Variants in ZNF521 observed in about 807,000 individuals in gnomAD.
ZNF521 encodes the protein zinc finger protein 521.
ZNF521 carries 14 observed loss-of-function variants against 105.5 expected under a neutral mutation model. The ratio of observed to expected loss-of-function variants is 0.13; its 90% CI spans 0.09 to 0.21. The LOEUF (loss-of-function observed/expected upper bound fraction) is 0.21, where lower values mean the gene tolerates loss of function less well. Among genes scored for constraint, ZNF521 ranks in the 10% least tolerant of loss-of-function variants. ZNF521 has a pLI of 1.00. For missense variants in ZNF521, 1,233 were observed against 1,629.7 expected, an observed-to-expected ratio of 0.76 and a Z score of 4.19; for synonymous variants, 635 against 606.0, an observed-to-expected ratio of 1.05 and a Z score of -0.70.
chr18:25,142,165 T>G (rs374742008), intron 5 of ZNF521, among the ~76,000 whole-genome samples: 3 of 152,050 alleles, frequency 2.0e-5, no homozygotes, highest in African/African-American at 7.2e-5. Context: ...AGTAGAGTAG[T>G]CACAGAAGCA....
chr18:25,259,569 G>C lies in ZNF521; in HGVS notation c.221-31872C>G, dbSNP rs556687861. 5.9e-4 allele frequency among the ~76,000 whole-genome samples: 90 copies of C among 152,102 alleles called. 1 individual carries two copies. Among genetic ancestry groups the C allele is most frequent in the Non-Finnish European group, 1.1e-3 (72 of 68,026 alleles). ...AGAAGAGAGCTGAAGGGAGTAGAGA[G>C]GAAAACAAAAACAGCAACAGGAGGG... is the stretch of plus-strand genomic sequence containing the variant. On this transcript the variant is annotated intron_variant, in intron 3 of 7. Transcript: ENST00000361524.
chr18:25,246,464 T>C (rs1290786800), intron 3 of ZNF521, among the ~76,000 whole-genome samples: 1 of 152,184 alleles, frequency 6.6e-6, no homozygotes, highest in African/African-American at 2.4e-5. Flanking sequence ...TTTTGTTTGA[T>C]CCTATTTTCC....
chr18:25,102,815 C>T (rs1412518956), intron 5 of ZNF521, among the ~76,000 whole-genome samples: 1 of 152,154 alleles, frequency 6.6e-6, no homozygotes, highest in East Asian at 1.9e-4. Flanking sequence ...GTTATTTCCT[C>T]CCTTAGTACA....
intron 3 of ZNF521, among the ~76,000 whole-genome samples, chr18:25,321,456 T>C (rs970175442): frequency 1.3e-5 from 2 of 152,180 alleles, no homozygotes; most frequent in African/African-American, 4.8e-5. Flanking sequence ...GCTTAGATAA[T>C]GCGAGAATGA....
chr18:25,225,623 A>G lies in ZNF521; in HGVS notation c.2295T>C (p.Thr765=). 6.2e-7 allele frequency: 1 copy of G among 1,614,156 alleles called. No individual in the cohort carries two copies. ...TGTGTTTCACATGGAGCTGCAAGTC[A>G]GTTTCGTTGCGGAAGTCCCAGTTGC... ...TSCNWDFRNE[T]DLQLHVKHNH... is the part of the protein sequence containing the mutation. Residue 765 remains threonine, a synonymous_variant, in exon 4 of 8, where the codon ACT becomes ACC. Coordinates refer to ENST00000361524, the MANE Select transcript of ZNF521 (RefSeq NM_015461.3). The surrounding 1 kb of genome is among the most constrained non-coding windows in gnomAD (Gnocchi z 5.6).
At chr18:25,296,073 A>G (rs1309212152) in intron 3 of ZNF521, among the ~76,000 whole-genome samples, 1 of 152,208 alleles carries the variant, frequency 6.6e-6, no homozygotes, top group Non-Finnish European at 1.5e-5. Context: ...AAATAGCTGA[A>G]GGTATGCCCT....
At chr18:25,351,945 G>GAGA in intron 1 of ZNF521, 60 bp downstream of exon 1, 1 of 315,142 alleles carries the variant, frequency 3.2e-6, no homozygotes, top group East Asian at 1.3e-4. Context: ...GGAGGAGGAG[G>GAGA]AGAGCCGGGA....
At position 25,337,432 on chromosome 18, in the gene ZNF521, T is replaced by C. The variant is rs77090534; in HGVS notation, c.40+13475A>G. Among the ~76,000 whole-genome samples, 6 of 152,266 alleles carry C rather than the reference T, an allele frequency of 3.9e-5. 1 individual carries two copies. The highest frequency in any genetic ancestry group is 1.2e-4 in the African/African-American group (5 of 41,540). On this transcript the variant is annotated intron_variant, in intron 2 of 7. Coordinates refer to ENST00000361524, the MANE Select transcript of ZNF521 (RefSeq NM_015461.3). ...CAAAGAGCTAATTTTCTTAATAATA[T>C]GAGCTGCTCTTTCAAACCAGAAGAT...
intron 5 of ZNF521, among the ~76,000 whole-genome samples, chr18:25,152,491 G>C (rs944198769): frequency 7.2e-6 from 1 of 138,306 alleles, no homozygotes; most frequent in Non-Finnish European, 1.6e-5. Context: ...AAAAAAAAAA[G>C]AAAAAAAAAA....
intron 4 of ZNF521, among the ~76,000 whole-genome samples, chr18:25,204,300 T>C (rs2036042416): frequency 6.6e-6 from 1 of 152,214 alleles, no homozygotes; most frequent in South Asian, 2.1e-4. Context: ...TTGAGCCATT[T>C]TTAAAATGTT....
intron 5 of ZNF521, among the ~76,000 whole-genome samples, chr18:25,170,206 C>A (rs2035422558): frequency 6.6e-6 from 1 of 151,884 alleles, no homozygotes; most frequent in Non-Finnish European, 1.5e-5. Flanking sequence ...CAAAACCAAC[C>A]TTCTGGTTCC....
At position 25,195,153 on chromosome 18, in the gene ZNF521, C is replaced by A; in HGVS notation, c.3658+7G>T. On this transcript the variant is annotated splice_region_variant and intron_variant, in intron 5 of 7. Transcript: ENST00000361524. ...CTATCTGTAATAAGGTTTAGAGTGT[C>A]ACTCACCAATCATGTGATTTGCAAC... The A allele has an allele frequency of 6.3e-7, 1 of 1,595,722 alleles. No homozygotes were observed. The highest frequency in any genetic ancestry group is 1.1e-5 in the South Asian group (1 of 89,504).
chr18:25,284,402 C>T (rs2145000935), intron 3 of ZNF521, among the ~76,000 whole-genome samples: 1 of 152,200 alleles, frequency 6.6e-6, no homozygotes, highest in East Asian at 1.9e-4. Context: ...CAGATCTACT[C>T]CAAATTGTCA....
At chr18:25,199,753 C>T (rs918188777) in intron 4 of ZNF521, among the ~76,000 whole-genome samples, 12 of 152,048 alleles carry the variant, frequency 7.9e-5, no homozygotes, top group Admixed American at 2.0e-4. Context: ...TTAACCCCAT[C>T]TCCACTATTC....
At chr18:25,118,706 AG>A (rs1188234863) in intron 5 of ZNF521, among the ~76,000 whole-genome samples, 1 of 152,106 alleles carries the variant, frequency 6.6e-6, no homozygotes, top group East Asian at 1.9e-4. Context: ...AAAGTCCAAA[AG>A]GGGGAAGAAA....
chr18:25,074,758 A>T (rs2033318965), intron 7 of ZNF521, among the ~76,000 whole-genome samples: 1 of 151,836 alleles, frequency 6.6e-6, no homozygotes, highest in Admixed American at 6.6e-5. Context: ...TGAAGTTCCC[A>T]TTCTCCTCTC....
At chr18:25,216,151 C>T (rs1815645410) in intron 4 of ZNF521, among the ~76,000 whole-genome samples, 1 of 152,034 alleles carries the variant, frequency 6.6e-6, no homozygotes. Flanking sequence ...TTTTCAGCCT[C>T]ATAGGGAAAT....
chr18:25,120,866 T>C (rs1015740237), intron 5 of ZNF521, among the ~76,000 whole-genome samples: 1 of 152,100 alleles, frequency 6.6e-6, no homozygotes. Context: ...TTACAGTCAC[T>C]TTCACCTTCA....
rs370729128 is a variant in ZNF521 at position 25,121,064 on chromosome 18, T to C, written c.3659-28983A>G. On this transcript the variant is annotated intron_variant, in intron 5 of 7. Transcript: ENST00000361524. The stretch of plus-strand genomic sequence containing the variant: ...CAAAACAAAAAAATAATACTGAATT[T>C]GTTTTTCCTTAACCCCTAAAAAATA... Among the ~76,000 whole-genome samples the C allele has an allele frequency of 3.9e-5, 6 of 152,128 alleles. No homozygotes were observed. The East Asian group carries it at 1.2e-3, about 29-fold the overall frequency.
Sources: allele counts gnomAD v4.1 joint callset (sites outside exome capture counted in the v4.1 genomes callset), GRCh38; gene constraint gnomAD v4.1.1; non-coding constraint Gnocchi (gnomAD v3.1); transcripts MANE v1.5; gene names NCBI Gene and HGNC (gene_info 2026-07-23, HGNC 2026-07-21).